DGKG: variants seen among roughly 807,000 people sequenced by gnomAD.
DGKG encodes the protein diacylglycerol kinase gamma.
In DGKG, 78 loss-of-function variants were observed where a neutral mutation model predicts 105.3. The ratio of observed to expected loss-of-function variants is 0.74; its 90% confidence interval spans 0.62 to 0.89. The LOEUF (loss-of-function observed/expected upper bound fraction) is 0.89. Ranked by LOEUF, DGKG falls within the 40% of genes least tolerant of loss-of-function variation. DGKG has a pLI of 0.00. For missense variants in DGKG, 958 were observed against 1,020.1 expected (o/e 0.94, Z 0.83); for synonymous variants, 346 against 367.1 (o/e 0.94, Z 0.66).
chr3:186,347,581 T>C (rs937436039), intron 1 of DGKG, among the ~76,000 whole-genome samples: 1 of 152,044 alleles, frequency 6.6e-6, no homozygotes, highest in Non-Finnish European at 1.5e-5. Context: ...TTTTACGTAT[T>C]TTTTTTCTTT....
rs754753734 is a variant in DGKG at position 186,343,384 on chromosome 3, G to A, written c.-249+18562C>T. 3.6e-4 allele frequency among the ~76,000 whole-genome samples: 54 copies of A among 152,028 alleles called. 1 individual carries two copies. Among genetic ancestry groups the A allele is most frequent in the Non-Finnish European group, 7.2e-4 (49 of 68,010 alleles). ...TGGCTCACTGCAACTTCTGCCTCAC[G>A]GGGTGAAGTGATCCTCCCACCTCAG... is the stretch of plus-strand genomic sequence containing the variant. On this transcript the variant is annotated intron_variant, in intron 1 of 24. Transcript: ENST00000265022.
chr3:186,272,835 C>CA (rs1722382421), intron 10 of DGKG, among the ~76,000 whole-genome samples: 1 of 152,168 alleles, frequency 6.6e-6, no homozygotes, highest in South Asian at 2.1e-4. Context: ...TCTCCTGCCT[C>CA]AGCCTCCCGA....
chr3:186,359,505 C>G (rs1443105512), intron 1 of DGKG, among the ~76,000 whole-genome samples: 2 of 152,252 alleles, frequency 1.3e-5, no homozygotes, highest in East Asian at 3.9e-4. Flanking sequence ...GTCAGACAGC[C>G]TGGGTTTGAA....
At chr3:186,171,915 G>A (rs1014291372) in intron 22 of DGKG, among the ~76,000 whole-genome samples, 3 of 151,360 alleles carry the variant, frequency 2.0e-5, no homozygotes, top group Admixed American at 6.6e-5. Flanking sequence ...GAGTGCAATC[G>A]CATGATCTTG....
intron 19 of DGKG, among the ~76,000 whole-genome samples, chr3:186,246,338 T>G (rs1247846397): frequency 6.6e-6 from 1 of 152,250 alleles, no homozygotes; most frequent in African/African-American, 2.4e-5. Context: ...TCACATGGAA[T>G]AGAATAATTA....
intron 22 of DGKG, among the ~76,000 whole-genome samples, chr3:186,168,897 C>T (rs893703403): frequency 6.6e-6 from 1 of 152,150 alleles, no homozygotes; most frequent in Non-Finnish European, 1.5e-5. Context: ...ACGGAATATG[C>T]AGTGTGCATA....
chr3:186,332,378 G>C (rs1205358513), intron 1 of DGKG, among the ~76,000 whole-genome samples: 1 of 152,196 alleles, frequency 6.6e-6, no homozygotes, highest in East Asian at 1.9e-4. Flanking sequence ...CTTAACAGTG[G>C]AAATTTAAGG....
intron 9 of DGKG, among the ~76,000 whole-genome samples, chr3:186,277,114 C>T (rs961893623): frequency 2.0e-5 from 3 of 152,024 alleles, no homozygotes; most frequent in African/African-American, 7.2e-5. Flanking sequence ...AATGCATTCA[C>T]AAACTGATAA....
chr3:186,193,414 G>A (rs910818391), intron 21 of DGKG, among the ~76,000 whole-genome samples: 2 of 152,228 alleles, frequency 1.3e-5, no homozygotes, highest in Admixed American at 1.3e-4. Context: ...CTGTGTAACT[G>A]TCTGCGTTAT....
At chr3:186,313,307 G>A (rs1490611076) in intron 2 of DGKG, among the ~76,000 whole-genome samples, 1 of 152,160 alleles carries the variant, frequency 6.6e-6, no homozygotes, top group African/African-American at 2.4e-5. Flanking sequence ...TGACACAGAT[G>A]TTACATATGA....
chr3:186,314,173 GCACACACACACACACACACACACACACA>G (rs3221277), intron 2 of DGKG, among the ~76,000 whole-genome samples: 1 of 139,478 alleles, frequency 7.2e-6, no homozygotes, highest in Non-Finnish European at 1.6e-5. Context: ...ATACATATCT[GCACACACACACACACACACACACACACA>G]CACACACACA....
chr3:186,181,632 C>T (rs1256596589), intron 22 of DGKG, among the ~76,000 whole-genome samples: 4 of 152,200 alleles, frequency 2.6e-5, no homozygotes, highest in Non-Finnish European at 5.9e-5. Flanking sequence ...ACCTCGGAGG[C>T]TGAGGCAGGA....
chr3:186,324,924 G>A lies in DGKG; in HGVS notation c.-248-4217C>T, dbSNP rs377055530. 1.3e-3 allele frequency among the ~76,000 whole-genome samples: 197 copies of A among 152,320 alleles called. 2 individuals carry two copies. The highest frequency in any genetic ancestry group is 4.5e-3 in the African/African-American group (186 of 41,576). On this transcript the variant is annotated intron_variant, in intron 1 of 24. Coordinates refer to ENST00000265022, the MANE Select transcript of DGKG (RefSeq NM_001346.3). ...CACAGCACTATTCACAGTAGCAAAG[G>A]CATGGAATCAACCTGGATTTATCCA...
chr3:186,167,781 TC>T (rs1401993124), intron 22 of DGKG, among the ~76,000 whole-genome samples: 1 of 152,052 alleles, frequency 6.6e-6, no homozygotes, highest in African/African-American at 2.4e-5. Flanking sequence ...ACTCACTCAC[TC>T]ACTCACTCAC....
chr3:186,268,867 C>T lies in DGKG; in HGVS notation c.1050G>A (p.Arg350=), dbSNP rs369950391. The T allele has an allele frequency of 6.2e-7, 1 of 1,614,072 alleles. No individual in the cohort carries two copies. The highest frequency in any genetic ancestry group is 8.5e-7 in the Non-Finnish European group (1 of 1,180,012). The change falls in exon 12 of 25, where the codon CGG becomes CGA. Residue 350 remains arginine (R), a synonymous_variant. Coordinates refer to ENST00000265022, the MANE Select transcript of DGKG (RefSeq NM_001346.3). Reference sequence around the variant, plus strand: ...GGTAGCACTTGATACTTTTGTGGCACCGGTCACACTTGACGGAGGAGTTCC... The same window carrying T: ...GGTAGCACTTGATACTTTTGTGGCATCGGTCACACTTGACGGAGGAGTTCC... The part of the protein sequence containing the change: ...VEGNSSVKCD[R]CHKSIKCYQS...
chr3:186,357,871 A>G (rs1424201719), intron 1 of DGKG, among the ~76,000 whole-genome samples: 2 of 152,248 alleles, frequency 1.3e-5, no homozygotes, highest in Non-Finnish European at 2.9e-5. Context: ...GCATTCTCCA[A>G]TATGATAGCC....
At chr3:186,206,534 T>C (rs1718746571) in intron 21 of DGKG, among the ~76,000 whole-genome samples, 1 of 152,160 alleles carries the variant, frequency 6.6e-6, no homozygotes, top group South Asian at 2.1e-4. Context: ...CAGAAACCTC[T>C]ACAAGGTTAT....
intron 1 of DGKG, among the ~76,000 whole-genome samples, chr3:186,338,952 G>GTAT (rs1249007513): frequency 6.6e-6 from 1 of 152,122 alleles, no homozygotes; most frequent in Non-Finnish European, 1.5e-5. Flanking sequence ...TTCTTTATGA[G>GTAT]TATTATTTAT....
rs1716289470 is a variant in DGKG at position 186,161,498 on chromosome 3, C to T, written c.2277+105G>A. 3.2e-6 allele frequency: 5 copies of T among 1,562,366 alleles called. No individual in the cohort carries two copies. In the African/African-American group the frequency reaches 5.4e-5, roughly 17 times the overall value. Reference sequence around the variant, plus strand: ...AGGGGTTGCACTAGATAATCTTCCACAGTCCCTGTGACTCTGAGATTCAGT... The same window carrying T: ...AGGGGTTGCACTAGATAATCTTCCATAGTCCCTGTGACTCTGAGATTCAGT... On this transcript the variant is annotated intron_variant, in intron 24 of 24. Transcript: ENST00000265022.
Sources: gnomAD v4.1 joint callset for allele counts (sites outside exome capture counted in the v4.1 genomes callset) on GRCh38, gnomAD v4.1.1 for gene constraint, MANE v1.5 for transcripts, NCBI Gene and HGNC (gene_info 2026-07-23, HGNC 2026-07-21) for gene names.